The following ARNT2 variants were observed in gnomAD, a reference collection of about 807,000 sequenced individuals.
ARNT2 encodes ARNT protein 2.
Under a neutral mutation model 91.7 loss-of-function variants are expected in ARNT2, and 36 were observed. The ratio of observed to expected loss-of-function variants is 0.39; its 90% CI spans 0.30 to 0.52. The LOEUF (loss-of-function observed/expected upper bound fraction) is 0.52, where lower values mean the gene tolerates loss of function less well. ARNT2 is among the 20% of genes least tolerant of loss of function. The probability of loss-of-function intolerance (pLI) is 0.72; values close to 1 mark genes in which losing one functional copy is unlikely to be tolerated. For missense variants in ARNT2, 775 were observed against 939.3 expected (o/e 0.83, Z 2.29); for synonymous variants, 365 against 347.1 (o/e 1.05, Z -0.57).
At chr15:80,459,905 G>A (rs1217702275) in intron 3 of ARNT2, among the ~76,000 whole-genome samples, 1 of 152,316 alleles carries the variant, frequency 6.6e-6, no homozygotes, top group Admixed American at 6.5e-5. Context: ...CAGTGAATGG[G>A]CCCATGGTTG....
chr15:80,450,198 A>T (rs1478660175), intron 1 of ARNT2, among the ~76,000 whole-genome samples: 2 of 152,352 alleles, frequency 1.3e-5, no homozygotes, highest in African/African-American at 2.4e-5. Flanking sequence ...AGGTACTCTT[A>T]TTTAGTAATA....
chr15:80,551,391 G>T (rs971682015), intron 9 of ARNT2, 116 bp downstream of exon 9: 3 of 975,880 alleles, frequency 3.1e-6, no homozygotes, highest in Non-Finnish European at 4.7e-6. Flanking sequence ...TATTTGTTGG[G>T]TTTCGTGTCT....
intron 3 of ARNT2, among the ~76,000 whole-genome samples, chr15:80,462,394 A>G (rs1468890944): frequency 6.6e-6 from 1 of 152,240 alleles, no homozygotes; most frequent in Non-Finnish European, 1.5e-5. Context: ...ATGTATGCGT[A>G]ATGTGTCATT....
At chr15:80,525,467 C>T (rs1163759983) in intron 8 of ARNT2, among the ~76,000 whole-genome samples, 1 of 151,808 alleles carries the variant, frequency 6.6e-6, no homozygotes. Flanking sequence ...CATTCTAGTG[C>T]GTAGCTCAGA....
At chr15:80,563,678 C>G (rs1178235645) in intron 12 of ARNT2, among the ~76,000 whole-genome samples, 1 of 152,196 alleles carries the variant, frequency 6.6e-6, no homozygotes, top group Non-Finnish European at 1.5e-5. Context: ...GGGAATGGGA[C>G]AGGTGGCCTG....
rs1038652959 is a variant in ARNT2, at chr15:80,457,820, A to G, written c.147-109A>G. 6 of 1,180,320 alleles carry G rather than the reference A, an allele frequency of 5.1e-6. No individual in the cohort carries two copies. In the African/African-American group the frequency reaches 7.7e-5, roughly 15 times the overall value. 73.1% of individuals were successfully genotyped at this position (1,180,320 alleles called of 1,614,324 possible). A position where few individuals can be genotyped will look rare whatever the true frequency, so the allele number is the denominator to read the frequency against. The stretch of plus-strand genomic sequence containing the variant: ...TGTAGCACTGCCAAAGGTTGGGATC[A>G]ATGGATAGCAGTCCTAGTGAATAAA... On this transcript the variant is annotated intron_variant, in intron 2 of 18. Transcript: ENST00000303329.
At chr15:80,529,825 G>A (rs1157414002) in intron 8 of ARNT2, among the ~76,000 whole-genome samples, 2 of 152,044 alleles carry the variant, frequency 1.3e-5, no homozygotes, top group Non-Finnish European at 2.9e-5. Flanking sequence ...CCAAAATCTT[G>A]GAGAATTTCT....
chr15:80,521,330 A>G (rs886570144), intron 8 of ARNT2, among the ~76,000 whole-genome samples: 3 of 152,204 alleles, frequency 2.0e-5, no homozygotes, highest in East Asian at 1.9e-4. Flanking sequence ...GAGTTAAAGC[A>G]TAAAAAATTA....
rs1245632795 is a variant in ARNT2, at chr15:80,514,447, G to A, written c.877+42G>A. ...GTAAATTCCACGGGAACTGGGTGCT[G>A]CTCATACCTGACCATGGTGTCCTGT... is the stretch of plus-strand genomic sequence containing the variant. On this transcript the variant is annotated intron_variant, in intron 8 of 18. Coordinates refer to ENST00000303329, the MANE Select transcript of ARNT2 (RefSeq NM_014862.4). 9.7e-6 allele frequency: 15 copies of A among 1,545,550 alleles called. No homozygotes were observed. In the Middle Eastern group the frequency reaches 5.1e-4, roughly 53 times the overall value.
intron 11 of ARNT2, chr15:80,562,768 C>T (rs191535944): frequency 5.5e-5 from 18 of 329,920 alleles, no homozygotes; most frequent in African/African-American, 2.9e-4. Flanking sequence ...AAAAGAAAAA[C>T]GCTCTGGCTT....
intron 2 of ARNT2, among the ~76,000 whole-genome samples, chr15:80,457,331 T>C (rs942654883): frequency 6.6e-6 from 1 of 152,236 alleles, no homozygotes; most frequent in Non-Finnish European, 1.5e-5. Context: ...ACAGCCATGT[T>C]TGTGGTCCTG....
chr15:80,542,885 A>G (rs1897933262), intron 8 of ARNT2, among the ~76,000 whole-genome samples: 1 of 151,922 alleles, frequency 6.6e-6, no homozygotes. Context: ...TAAGTATGGC[A>G]AAAGCGCATT....
chr15:80,589,766 C>A (rs1201562749), intron 17 of ARNT2, among the ~76,000 whole-genome samples: 1 of 152,162 alleles, frequency 6.6e-6, no homozygotes, highest in Non-Finnish European at 1.5e-5. Context: ...TGAGGCCAGT[C>A]GACACGATTC....
intron 11 of ARNT2, among the ~76,000 whole-genome samples, chr15:80,558,484 C>A (rs984435610): frequency 2.0e-5 from 3 of 151,954 alleles, no homozygotes; most frequent in African/African-American, 7.3e-5. Flanking sequence ...GGATTACAGG[C>A]CTGTGCTGTC....
intron 14 of ARNT2, among the ~76,000 whole-genome samples, chr15:80,575,658 C>T (rs780046799): frequency 1.3e-5 from 2 of 152,210 alleles, no homozygotes; most frequent in Non-Finnish European, 2.9e-5. Flanking sequence ...CACCATTCTG[C>T]GGTGGCAGAA....
intron 5 of ARNT2, among the ~76,000 whole-genome samples, chr15:80,481,878 T>C (rs1039064919): frequency 6.6e-6 from 1 of 152,084 alleles, no homozygotes; most frequent in African/African-American, 2.4e-5. Flanking sequence ...GGACTACAGG[T>C]GTACACCATC....
rs897567830 is a variant in ARNT2 at position 80,593,669 on chromosome 15, C to T, written c.2125C>T (p.Leu709=). Residue 709 remains leucine, a synonymous_variant, in exon 19 of 19, where the codon CTG becomes TTG. Coordinates refer to ENST00000303329, the MANE Select transcript of ARNT2 (RefSeq NM_014862.4). ...GNYNIEDFAD[L]GMFPPFSE ...CTATAACATCGAAGACTTTGCCGAC[C>T]TGGGCATGTTTCCACCGTTTTCTGA... 6.2e-6 allele frequency: 10 copies of T among 1,606,466 alleles called. No individual in the cohort carries two copies. The East Asian group carries it at 6.7e-5, about 11-fold the overall frequency.
intron 3 of ARNT2, among the ~76,000 whole-genome samples, chr15:80,467,157 A>G (rs556752265): frequency 1.1e-5 from 1 of 87,138 alleles, no homozygotes; most frequent in East Asian, 5.0e-4. Flanking sequence ...TTTGAGAAAC[A>G]TCAGTCTGGC....
chr15:80,552,487 G>A (rs1566999193), intron 9 of ARNT2, among the ~76,000 whole-genome samples, 153 bp from the exon 10 acceptor site: 1 of 152,186 alleles, frequency 6.6e-6, no homozygotes, highest in African/African-American at 2.4e-5. Flanking sequence ...ATGTGACCAG[G>A]GATAGATATT....
Sources: allele counts gnomAD v4.1 joint callset (sites outside exome capture counted in the v4.1 genomes callset), GRCh38; gene constraint gnomAD v4.1.1; transcripts MANE v1.5; gene names NCBI Gene and HGNC (gene_info 2026-07-23, HGNC 2026-07-21).